The following PDE7B variants were observed in gnomAD, a reference collection of about 807,000 sequenced individuals.
PDE7B encodes the protein 3',5'-cyclic-AMP phosphodiesterase 7B.
A neutral mutation model predicts 56.2 loss-of-function variants in PDE7B; 29 were observed. The observed-to-expected ratio is 0.52, with a 90% CI of 0.38 to 0.70. PDE7B has a LOEUF of 0.70. Ranked by LOEUF, PDE7B falls within the 30% of genes least tolerant of loss-of-function variation. PDE7B has a pLI of 0.00. For synonymous variants in PDE7B, 197 were observed against 196.9 expected (o/e 1.00, Z 0.00); for missense variants, 490 against 565.0 (o/e 0.87, Z 1.35).
In PDE7B at chr6:136,133,770, T is replaced by C. The variant is rs73777448; in HGVS notation, c.167-13581T>C. On this transcript the variant is annotated intron_variant, in intron 3 of 12. Transcript: ENST00000308191. ...GTTACTGCAATACTAGGAGGAGAGC[T>C]GAATGCCTCTGACCAGGAGCCCAGG... 2.4e-3 allele frequency among the ~76,000 whole-genome samples: 358 copies of C among 152,248 alleles called. 6 individuals are homozygous for C. The highest frequency in any genetic ancestry group is 8.0e-3 in the African/African-American group (333 of 41,528).
At chr6:136,147,124 A>T (rs1285240389) in intron 3 of PDE7B, among the ~76,000 whole-genome samples, 1 of 151,904 alleles carries the variant, frequency 6.6e-6, no homozygotes, top group Admixed American at 6.6e-5. Context: ...ACTGGATGAC[A>T]GTGTGAGACC....
chr6:136,004,151 A>C (rs968404374), intron 2 of PDE7B, among the ~76,000 whole-genome samples: 1 of 152,156 alleles, frequency 6.6e-6, no homozygotes, highest in African/African-American at 2.4e-5. Flanking sequence ...AAAATTCAAC[A>C]ACCCTTCATG....
At chr6:135,975,917 C>A (rs1775178845) in intron 2 of PDE7B, among the ~76,000 whole-genome samples, 1 of 152,110 alleles carries the variant, frequency 6.6e-6, no homozygotes, top group Non-Finnish European at 1.5e-5. Context: ...ATGTCTCCAA[C>A]CAGGCCATGG....
intron 1 of PDE7B, among the ~76,000 whole-genome samples, chr6:135,906,822 T>TG (rs1030867225): frequency 1.2e-4 from 18 of 145,782 alleles, no homozygotes; most frequent in African/African-American, 2.0e-4. Flanking sequence ...TTTTTTTTTT[T>TG]TTTTTTTTTT....
At chr6:136,044,768 T>C (rs764705855) in intron 2 of PDE7B, 1 of 152,172 alleles carries the variant, frequency 6.6e-6, no homozygotes, top group Non-Finnish European at 1.5e-5. Context: ...CTTCTACAGA[T>C]AACAGTCTGT....
chr6:135,999,716 A>C (rs1160531727), intron 2 of PDE7B, among the ~76,000 whole-genome samples: 1 of 151,796 alleles, frequency 6.6e-6, no homozygotes, highest in Non-Finnish European at 1.5e-5. Flanking sequence ...GAGTGTTGCA[A>C]TGAACATATG....
intron 1 of PDE7B, among the ~76,000 whole-genome samples, chr6:135,882,579 A>T (rs912895553): frequency 1.3e-5 from 2 of 152,302 alleles, no homozygotes; most frequent in Admixed American, 6.5e-5. Flanking sequence ...GACTGAACAG[A>T]TGGATTACAG....
At chr6:135,903,858 G>A (rs899397899) in intron 1 of PDE7B, among the ~76,000 whole-genome samples, 1 of 152,018 alleles carries the variant, frequency 6.6e-6, no homozygotes, top group African/African-American at 2.4e-5. Context: ...TCCTCTATAG[G>A]GTGCCCTAGA....
intron 3 of PDE7B, among the ~76,000 whole-genome samples, chr6:136,127,153 A>T (rs1279062287): frequency 6.6e-6 from 1 of 152,138 alleles, no homozygotes; most frequent in Non-Finnish European, 1.5e-5. Context: ...CAGCCATTGA[A>T]AAATTGAAGG....
chr6:136,002,840 A>C (rs528773780), intron 2 of PDE7B, among the ~76,000 whole-genome samples: 1 of 152,100 alleles, frequency 6.6e-6, no homozygotes, highest in East Asian at 1.9e-4. Context: ...TCAGCTCTGC[A>C]CCAAGTGGAC....
chr6:136,018,221 C>A (rs190214413), intron 2 of PDE7B, among the ~76,000 whole-genome samples: 2 of 152,222 alleles, frequency 1.3e-5, no homozygotes, highest in African/African-American at 4.8e-5. Context: ...TACCTTCAGT[C>A]CCAAGTAGCA....
intron 3 of PDE7B, 114 bp downstream of exon 3, chr6:136,108,928 ATC>A (rs558489643): frequency 1.9e-5 from 14 of 732,492 alleles, no homozygotes; most frequent in Non-Finnish European, 3.2e-5. Context: ...TCCTTCCTGA[ATC>A]TCTCTTCTGC....
intron 2 of PDE7B, among the ~76,000 whole-genome samples, chr6:136,019,224 G>A (rs563789179): frequency 1.1e-4 from 17 of 152,196 alleles, no homozygotes; most frequent in Admixed American, 2.0e-4. Context: ...CTTAAGGGCC[G>A]TTAGCCAGTT....
chr6:136,145,267 G>C (rs962154297), intron 3 of PDE7B, among the ~76,000 whole-genome samples: 1 of 151,876 alleles, frequency 6.6e-6, no homozygotes, highest in South Asian at 2.1e-4. Context: ...CCATTCTTTC[G>C]TTATTCATTT....
At chr6:136,047,294 G>A (rs1205541159) in intron 2 of PDE7B, 1 of 152,198 alleles carries the variant, frequency 6.6e-6, no homozygotes, top group Non-Finnish European at 1.5e-5. Flanking sequence ...GAAAAAAGAT[G>A]TGTACAAATC....
At chr6:136,113,263 T>G (rs963908592) in intron 3 of PDE7B, among the ~76,000 whole-genome samples, 1 of 152,240 alleles carries the variant, frequency 6.6e-6, no homozygotes, top group Non-Finnish European at 1.5e-5. Context: ...TGAAATATGT[T>G]GTATACCATA....
intron 2 of PDE7B, among the ~76,000 whole-genome samples, chr6:135,996,477 C>T (rs1775566477): frequency 6.6e-6 from 1 of 152,156 alleles, no homozygotes; most frequent in Admixed American, 6.6e-5. Flanking sequence ...TAACATAATA[C>T]CGTATTAGTT....
chr6:135,887,318 G>A (rs1775727507), intron 1 of PDE7B, among the ~76,000 whole-genome samples: 1 of 152,094 alleles, frequency 6.6e-6, no homozygotes, highest in Non-Finnish European at 1.5e-5. Flanking sequence ...CATTTATACT[G>A]TGCAAGACCT....
At chr6:136,038,353 A>G in intron 2 of PDE7B, 2 of 1,292,036 alleles carry the variant, frequency 1.5e-6, no homozygotes, top group Non-Finnish European at 2.0e-6. Flanking sequence ...CAGGCCCAGA[A>G]GGTGTGCTGC....
Sources: gnomAD v4.1 joint callset for allele counts (sites outside exome capture counted in the v4.1 genomes callset) on GRCh38, gnomAD v4.1.1 for gene constraint, MANE v1.5 for transcripts, NCBI Gene and HGNC (gene_info 2026-07-23, HGNC 2026-07-21) for gene names.